BIN2: variants seen among roughly 807,000 people sequenced by gnomAD.
BIN2 encodes the protein breast cancer associated protein BRAP1.
In BIN2, 43 loss-of-function variants were observed where a neutral mutation model predicts 67.9. That is an observed-to-expected ratio of 0.63 (90% CI 0.50 to 0.82). The LOEUF (loss-of-function observed/expected upper bound fraction) is 0.82. Among genes scored for constraint, BIN2 ranks in the 40% least tolerant of loss-of-function variants. The pLI is 0.00. For synonymous variants in BIN2, 244 were observed against 246.8 expected (o/e 0.99, Z 0.11); for missense variants, 581 against 671.6 (o/e 0.87, Z 1.49).
At position 51,299,240 on chromosome 12, in the gene BIN2, G is replaced by C. The variant is rs768489810; in HGVS notation, c.565C>G (p.Gln189Glu). The C allele has an allele frequency of 2.5e-6, 4 of 1,613,606 alleles. No homozygotes were observed. Among genetic ancestry groups the C allele is most frequent in the Non-Finnish European group, 3.4e-6 (4 of 1,179,708 alleles). Reference protein sequence around the residue: ...KAQTVFEDLNQELLEELPILY... With the variant: ...KAQTVFEDLNEELLEELPILY... ...ATAGGCAGCTCCTCTAGTAGTTCTT[G>C]GTTCAGATCTTCAAACACAGTCTGG... The change falls in exon 7 of 13, where the codon CAA becomes GAA. Residue 189 changes from glutamine (Q) to glutamate (E), a missense_variant. By Grantham distance (29) the Gln-to-Glu change is conservative. Transcript: ENST00000615107.
chr12:51,281,963 G>A (rs1945129417), intron 12 of BIN2, among the ~76,000 whole-genome samples: 1 of 151,970 alleles, frequency 6.6e-6, no homozygotes, highest in Admixed American at 6.6e-5. Flanking sequence ...TTGAACTCCT[G>A]GGCTCAAGTG....
chr12:51,319,800 C>T (rs964032330), intron 1 of BIN2, among the ~76,000 whole-genome samples: 9 of 152,072 alleles, frequency 5.9e-5, no homozygotes, highest in Non-Finnish European at 1.3e-4. Flanking sequence ...GGCTATAGTT[C>T]CCTACCATTG....
chr12:51,300,455 C>T (rs1039536514), intron 5 of BIN2, among the ~76,000 whole-genome samples: 1 of 152,160 alleles, frequency 6.6e-6, no homozygotes, highest in Non-Finnish European at 1.5e-5. Flanking sequence ...TAGCCTGTGG[C>T]CAGTGGCAAG....
Position 51,302,119 on chromosome 12 carries a change from T to C in BIN2, c.313-4A>G. The stretch of plus-strand genomic sequence containing the variant: ...CTTCCCAAAGGAGATCATTATTCTG[T>C]AGGATAGAGTCAGAGGCTGGTGAAG... On this transcript the variant is annotated splice_polypyrimidine_tract_variant and splice_region_variant and intron_variant, in intron 4 of 12. Coordinates refer to ENST00000615107, the MANE Select transcript of BIN2 (RefSeq NM_016293.4). 1 of 1,603,066 alleles carries C rather than the reference T, an allele frequency of 6.2e-7. No homozygotes were observed. Among genetic ancestry groups the C allele is most frequent in the Non-Finnish European group, 8.5e-7 (1 of 1,170,126 alleles).
intron 1 of BIN2, among the ~76,000 whole-genome samples, chr12:51,317,232 G>C (rs955924999): frequency 1.3e-4 from 20 of 152,082 alleles, no homozygotes; most frequent in African/African-American, 4.8e-4. Context: ...TAAGGTTTAG[G>C]TACTTGCTTT....
chr12:51,299,572 G>A (rs1391772181), intron 6 of BIN2, 35 bp downstream of exon 6: 4 of 1,587,822 alleles, frequency 2.5e-6, no homozygotes. Flanking sequence ...AGAACAGGAA[G>A]GGTTTACCAG....
chr12:51,283,993 C>CAAAA (rs34571040), intron 12 of BIN2, among the ~76,000 whole-genome samples: 2,833 of 132,922 alleles, frequency 0.021, 46 homozygotes, highest in Non-Finnish European at 0.032. Context: ...AACTCCGTCT[C>CAAAA]AAAAAAAAAA....
chr12:51,313,088 A>G (rs1946033240), intron 2 of BIN2, among the ~76,000 whole-genome samples: 1 of 151,818 alleles, frequency 6.6e-6, no homozygotes, highest in South Asian at 2.1e-4. Context: ...AAAAGAAAAA[A>G]TTAGCATAGC....
At chr12:51,295,578 AT>A (rs60532265) in intron 9 of BIN2, among the ~76,000 whole-genome samples, 18,672 of 57,712 alleles carry the variant, frequency 0.32, 4,362 homozygotes, top group Non-Finnish European at 0.36. Context: ...AAAAAAAAAA[AT>A]ATATATATAT....
chr12:51,323,920 TC>T, intron 1 of BIN2, 101 bp downstream of exon 1: 1 of 1,450,586 alleles, frequency 6.9e-7, no homozygotes, highest in Non-Finnish European at 9.3e-7. Context: ...CCCAGACCCT[TC>T]GGGGCCCCTG....
At chr12:51,303,364 C>G (rs977252871) in intron 2 of BIN2, among the ~76,000 whole-genome samples, 2 of 152,212 alleles carry the variant, frequency 1.3e-5, no homozygotes, top group Non-Finnish European at 2.9e-5. Context: ...TCCCATTACA[C>G]TGGCGTCTTC....
Position 51,295,577 on chromosome 12 carries a change from AATATATATATATAT to A in BIN2, c.761+205_761+218del, listed in dbSNP as rs1163870830. Among the ~76,000 whole-genome samples, 201 of 29,250 alleles carry A rather than the reference AATATATATATATAT, an allele frequency of 6.9e-3. 2 individuals carry two copies. The highest frequency in any genetic ancestry group is 8.2e-3 in the Admixed American group (14 of 1,714). The allele number at this position is 29,250 out of a possible 152,430, so 19.2% of individuals were successfully genotyped here. On this transcript the variant is annotated intron_variant, in intron 9 of 12. Coordinates refer to ENST00000615107, the MANE Select transcript of BIN2 (RefSeq NM_016293.4). ...GACTCCGTCTCAAAAAAAAAAAAAA[AATATATATATATAT>A]ATATATATATATATATATATATATA...
rs535835356 is a variant in BIN2, at chr12:51,324,110, A to G, written c.-8T>C. The G allele has an allele frequency of 2.5e-4, 403 of 1,612,412 alleles. 6 individuals carry two copies. In the South Asian group the frequency reaches 4.1e-3, roughly 16 times the overall value. On this transcript the variant is annotated 5_prime_UTR_variant, in exon 1 of 13. Transcript: ENST00000615107. ...TGCCTTGCCCTCTGCCATCCTGCCA[A>G]CTCCCTGGGGGCCGCCGCCCTGGCC... is the stretch of plus-strand genomic sequence containing the variant.
At chr12:51,324,389 T>TCG, upstream of BIN2, 1 of 1,317,818 alleles carries the variant, frequency 7.6e-7, no homozygotes. Context: ...CTGAACCAGG[T>TCG]CCTCAGTGGT....
chr12:51,314,788 A>C (rs1946079849), intron 1 of BIN2, among the ~76,000 whole-genome samples: 1 of 150,846 alleles, frequency 6.6e-6, no homozygotes, highest in African/African-American at 2.5e-5. Flanking sequence ...AACAAGAGCG[A>C]AACTCTGTCT....
intron 10 of BIN2, among the ~76,000 whole-genome samples, chr12:51,290,627 C>T (rs549759325): frequency 1.3e-5 from 2 of 151,384 alleles, no homozygotes; most frequent in African/African-American, 2.4e-5. Flanking sequence ...GAGTTCGGCA[C>T]CAGCCTGCCC....
At chr12:51,289,597 C>T (rs1030775832) in intron 10 of BIN2, among the ~76,000 whole-genome samples, 1 of 151,972 alleles carries the variant, frequency 6.6e-6, no homozygotes, top group African/African-American at 2.4e-5. Flanking sequence ...GCCTGGGTGA[C>T]AGAGTGAGAC....
intron 10 of BIN2, among the ~76,000 whole-genome samples, chr12:51,289,320 G>C (rs1366937203): frequency 1.3e-5 from 2 of 152,012 alleles, no homozygotes; most frequent in Admixed American, 6.6e-5. Context: ...AATGTGACTA[G>C]AATATGACTT....
chr12:51,321,140 G>A (rs1486607725), intron 1 of BIN2, among the ~76,000 whole-genome samples: 1 of 70,472 alleles, frequency 1.4e-5, no homozygotes, highest in Non-Finnish European at 2.8e-5. Flanking sequence ...GTTCCTGAGA[G>A]AGGATCAGCA....
Sources: allele counts gnomAD v4.1 joint callset (sites outside exome capture counted in the v4.1 genomes callset), GRCh38; gene constraint gnomAD v4.1.1; transcripts MANE v1.5; gene names NCBI Gene and HGNC (gene_info 2026-07-23, HGNC 2026-07-21).